FANCA: variants seen among roughly 807,000 people sequenced by gnomAD.
The protein encoded by FANCA is Fanconi anemia group A protein.
Under a neutral mutation model 194.3 loss-of-function variants are expected in FANCA, and 236 were observed. That is an observed-to-expected ratio of 1.21 (90% confidence interval 1.09 to 1.35). The LOEUF is 1.35. Ranked by LOEUF, FANCA falls within the 40% of genes most tolerant of loss-of-function variation. The pLI is 0.00. For synonymous variants in FANCA, 1,014 were observed against 715.8 expected (o/e 1.42, Z -6.65); for missense variants, 2,628 against 1,813.9 (o/e 1.45, Z -8.15).
At chr16:89,778,526 G>A (rs1188789516) in intron 20 of FANCA, 1 of 427,754 alleles carries the variant, frequency 2.3e-6, no homozygotes, top group African/African-American at 2.1e-5. Flanking sequence ...TACTCAGGAG[G>A]CTGAAGCAAG....
chr16:89,784,154 T>G (rs1321269607), intron 15 of FANCA, among the ~76,000 whole-genome samples: 1 of 151,800 alleles, frequency 6.6e-6, no homozygotes. Context: ...TCACTTGAGC[T>G]CAGTTCAAGG....
chr16:89,815,943 C>T lies in FANCA; in HGVS notation c.123G>A (p.Gln41=), dbSNP rs1459251575. ...GGCGCACAGCTGATTCCTTTAATTT[C>T]TGTGCCCTTTCAGGATTATATTTTT... ...KREKYNPERA[Q]KLKESAVRLL... is the part of the protein sequence containing the mutation. The change falls in exon 2 of 43, where the codon CAG becomes CAA. Residue 41 remains glutamine, a synonymous_variant. Transcript: ENST00000389301. The T allele has an allele frequency of 8.1e-6, 13 of 1,614,168 alleles. No individual in the cohort carries two copies. The highest frequency in any genetic ancestry group is 1.0e-5 in the Non-Finnish European group (12 of 1,179,982).
chr16:89,744,642 C>T, intron 36 of FANCA: 1 of 388,474 alleles, frequency 2.6e-6, no homozygotes, highest in Non-Finnish European at 4.9e-6. Context: ...GTTCCTCACT[C>T]AGACGAGACA....
intron 17 of FANCA, among the ~76,000 whole-genome samples, chr16:89,780,950 T>C (rs1322696750): frequency 6.6e-6 from 1 of 151,934 alleles, no homozygotes; most frequent in African/African-American, 2.4e-5. Context: ...AAAAAGTAAT[T>C]TATAAACAGC....
chr16:89,766,427 G>C (rs1288435062), intron 27 of FANCA, among the ~76,000 whole-genome samples: 1 of 151,842 alleles, frequency 6.6e-6, no homozygotes, highest in East Asian at 1.9e-4. Context: ...CCTTTGTCTG[G>C]GCCGGGCACC....
chr16:89,795,361 G>A (rs1000020268), intron 11 of FANCA, among the ~76,000 whole-genome samples: 3 of 151,756 alleles, frequency 2.0e-5, no homozygotes, highest in African/African-American at 7.3e-5. Flanking sequence ...GGGTGCGGTG[G>A]CTCACACCTG....
intron 28 of FANCA, among the ~76,000 whole-genome samples, chr16:89,763,309 C>T (rs142849661): frequency 6.6e-6 from 1 of 151,998 alleles, no homozygotes; most frequent in African/African-American, 2.4e-5. Flanking sequence ...GGCACAGTGG[C>T]TCACACTTGC....
intron 29 of FANCA, among the ~76,000 whole-genome samples, 178 bp downstream of exon 29, chr16:89,761,771 G>A (rs990335096): frequency 7.2e-5 from 11 of 152,088 alleles, no homozygotes; most frequent in Non-Finnish European, 1.5e-4. Flanking sequence ...TGACTGGAAC[G>A]TGCCGCATGT....
chr16:89,740,004 C>T lies in FANCA; in HGVS notation c.3924G>A (p.Leu1308=), dbSNP rs775127240. 8.1e-6 allele frequency: 13 copies of T among 1,614,036 alleles called. No individual in the cohort carries two copies. Among genetic ancestry groups the T allele is most frequent in the Non-Finnish European group, 7.6e-6 (9 of 1,180,004 alleles). Residue 1308 remains leucine (L), a synonymous_variant, in exon 39 of 43, where the codon TTG becomes TTA. Transcript: ENST00000389301. The stretch of plus-strand genomic sequence containing the variant: ...CAGCGTGTTTCTTACCACTCTCTGT[C>T]AACTGAAAGAGTGCCAGCCAGGATA... The part of the protein sequence containing the change: ...RKISWLALFQ[L]TESDLRLGRL...
Position 89,816,201 on chromosome 16 carries a change from G to T in FANCA, c.80-215C>A, listed in dbSNP as rs34411624. On this transcript the variant is annotated intron_variant, in intron 1 of 42. Coordinates refer to ENST00000389301, the MANE Select transcript of FANCA (RefSeq NM_000135.4). ...CGGCCCAGGAGGGCCCGAGGCAGGG[G>T]AGCCCGGGGACGGCTGGCGAGGGGC... The T allele has an allele frequency of 0.018, 10,110 of 568,734 alleles. 291 individuals are homozygous for T. The highest frequency in any genetic ancestry group is 0.082 in the South Asian group (4,526 of 55,156). 35.2% of individuals were successfully genotyped at this position (568,734 alleles called of 1,614,324 possible). A position where few individuals can be genotyped will look rare whatever the true frequency, so the allele number is the denominator to read the frequency against.
At chr16:89,784,713 A>C in intron 15 of FANCA, 141 bp downstream of exon 15, 1 of 644,136 alleles carries the variant, frequency 1.6e-6, no homozygotes, top group South Asian at 1.5e-5. Context: ...CGGCTTGGGG[A>C]AGGGGAAGGG....
chr16:89,769,779 G>C lies in FANCA; in HGVS notation c.2504+58C>G, dbSNP rs1311517173. On this transcript the variant is annotated intron_variant, in intron 26 of 42. Coordinates refer to ENST00000389301, the MANE Select transcript of FANCA (RefSeq NM_000135.4). ...TGTCTCTTCTAATTTTATCAAACGA[G>C]CATGTGTCACTTTTCGAGAGAGAGG... The C allele has an allele frequency of 3.2e-6, 5 of 1,578,792 alleles. No individual in the cohort carries two copies. In the African/African-American group the frequency reaches 4.1e-5, roughly 13 times the overall value.
chr16:89,769,602 T>C (rs2039250295), intron 26 of FANCA: 3 of 584,704 alleles, frequency 5.1e-6, no homozygotes, highest in South Asian at 3.9e-5. Flanking sequence ...CTATCTACTA[T>C]TAATTTCAGC....
At chr16:89,795,357 G>T (rs557182450) in intron 11 of FANCA, among the ~76,000 whole-genome samples, 3 of 151,674 alleles carry the variant, frequency 2.0e-5, no homozygotes, top group Admixed American at 2.0e-4. Context: ...CGCTGGGTGC[G>T]GTGGCTCACA....
chr16:89,779,682 C>T (rs1382225220), intron 18 of FANCA, among the ~76,000 whole-genome samples, 187 bp downstream of exon 18: 1 of 152,230 alleles, frequency 6.6e-6, no homozygotes, highest in Admixed American at 6.5e-5. Context: ...AGACAGTGGC[C>T]AACCTGCCCC....
At position 89,764,858 on chromosome 16, in the gene FANCA, G is replaced by C. The variant is rs2039071356; in HGVS notation, c.2778+32C>G. ...CACACAAACCCTAGACTCAGGACGT[G>C]GCATGATGCAGGAGAAGGAACGGTC... On this transcript the variant is annotated intron_variant, in intron 28 of 42. Coordinates refer to ENST00000389301, the MANE Select transcript of FANCA (RefSeq NM_000135.4). 3.7e-6 allele frequency: 6 copies of C among 1,609,830 alleles called. No individual in the cohort carries two copies. The East Asian group carries it at 1.1e-4, about 30-fold the overall frequency.
Position 89,749,784 on chromosome 16 carries a change from C to T in FANCA, c.3185G>A (p.Gly1062Glu), listed in dbSNP as rs1047919771. ...FRRRLQALTS[G>E]WSVAASLQRQ... ...CTGAAGGCTGGCAGCCACGCTCCACCCGCTTGTCAGAGCCTGGAGCCGTCT... is the reference window on the plus strand; with the variant it reads ...CTGAAGGCTGGCAGCCACGCTCCACTCGCTTGTCAGAGCCTGGAGCCGTCT... The change falls in exon 32 of 43, where the codon GGG becomes GAG. Residue 1062 changes from glycine to glutamate, a missense_variant. Coordinates refer to ENST00000389301, the MANE Select transcript of FANCA (RefSeq NM_000135.4). The T allele has an allele frequency of 2.5e-6, 4 of 1,614,126 alleles. No individual in the cohort carries two copies. Among genetic ancestry groups the T allele is most frequent in the African/African-American group, 2.7e-5 (2 of 74,940 alleles).
At chr16:89,777,286 A>C (rs562354694) in intron 20 of FANCA, among the ~76,000 whole-genome samples, 2 of 150,556 alleles carry the variant, frequency 1.3e-5, no homozygotes, top group East Asian at 3.9e-4. Flanking sequence ...GGAGGCGGAG[A>C]GGGAAGGACT....
chr16:89,770,506 C>A, intron 24 of FANCA, 58 bp downstream of exon 24: 2 of 1,502,164 alleles, frequency 1.3e-6, no homozygotes, highest in Non-Finnish European at 1.8e-6. Flanking sequence ...AGACTTGGCC[C>A]AGCAAGAGGT....
Sources: allele counts gnomAD v4.1 joint callset (sites outside exome capture counted in the v4.1 genomes callset), GRCh38; gene constraint gnomAD v4.1.1; transcripts MANE v1.5; gene names NCBI Gene and HGNC (gene_info 2026-07-23, HGNC 2026-07-21).